BAIAP2L2: variants seen among roughly 807,000 people sequenced by gnomAD.
The protein encoded by BAIAP2L2 is BAR/IMD domain containing adaptor protein 2 like 2, also known as BAR/IMD domain-containing adapter protein 2-like 2.
In BAIAP2L2, 65 loss-of-function variants were observed where a neutral mutation model predicts 60.4. The observed-to-expected ratio is 1.08, with a 90% CI of 0.88 to 1.32. The LOEUF is 1.32. Among genes scored for constraint, BAIAP2L2 ranks in the 40% most tolerant of loss-of-function variants. BAIAP2L2 has a pLI of 0.00. For synonymous variants in BAIAP2L2, 344 were observed against 301.7 expected, an observed-to-expected ratio of 1.14 and a Z score of -1.45; for missense variants, 836 against 741.2, an observed-to-expected ratio of 1.13 and a Z score of -1.48.
chr22:38,101,189 T>G (rs1223681365), intron 4 of BAIAP2L2, among the ~76,000 whole-genome samples: 1 of 151,880 alleles, frequency 6.6e-6, no homozygotes, highest in Non-Finnish European at 1.5e-5. Flanking sequence ...TTCAAAACCT[T>G]CCTTCATCTT....
At position 38,110,049 on chromosome 22, in the gene BAIAP2L2, CAGAGAGAGAGAG is replaced by C. The variant is rs1231617585; in HGVS notation, c.51+414_51+425del. On this transcript the variant is annotated intron_variant, in intron 1 of 13. Coordinates refer to ENST00000381669, the MANE Select transcript of BAIAP2L2 (RefSeq NM_025045.6). The stretch of plus-strand genomic sequence containing the variant: ...TGAGAGAGACAGAGACAGGGAGAGA[CAGAGAGAGAGAG>C]AGAGACAGAGAGAGAGAGAGACAGA... Among the ~76,000 whole-genome samples, 8 of 4,216 alleles carry C rather than the reference CAGAGAGAGAGAG, an allele frequency of 1.9e-3. 1 individual carries two copies. The highest frequency in any genetic ancestry group is 8.9e-3 in the African/African-American group (6 of 672). The allele number at this position is 4,216 out of a possible 152,430, so 2.8% of individuals were successfully genotyped here. A position where few individuals can be genotyped will look rare whatever the true frequency, so the allele number is the denominator to read the frequency against.
At chr22:38,096,469 A>C (rs1236998852) in intron 7 of BAIAP2L2, among the ~76,000 whole-genome samples, 1 of 152,228 alleles carries the variant, frequency 6.6e-6, no homozygotes, top group Admixed American at 6.5e-5. Flanking sequence ...AGCCTGGCCA[A>C]CATGGCGAAA....
At position 38,087,215 on chromosome 22, in the gene BAIAP2L2, C is replaced by T. The variant is rs199751065; in HGVS notation, c.1168G>A (p.Val390Met). The T allele has an allele frequency of 5.2e-5, 83 of 1,604,232 alleles. No individual in the cohort carries two copies. In the Admixed American group the frequency reaches 1.3e-3, roughly 25 times the overall value. ...GGGGTCACGGGGGTCATGGGATTCA[C>T]GGGCCCCTCCTCCAGAGCCTTCACG... ...AYVKALEEGP[V>M]NPMTPVTPMT... The change falls in exon 11 of 14, where the codon GTG (valine) becomes ATG (methionine). Residue 390 changes from valine to methionine, a missense_variant. Coordinates refer to ENST00000381669, the MANE Select transcript of BAIAP2L2 (RefSeq NM_025045.6).
chr22:38,105,722 C>T (rs1473702416), intron 4 of BAIAP2L2, among the ~76,000 whole-genome samples: 2 of 152,136 alleles, frequency 1.3e-5, no homozygotes, highest in African/African-American at 2.4e-5. Flanking sequence ...CTACTTTTCT[C>T]CTAGTGTATT....
chr22:38,087,161 T>TGGGTGTCAC lies in BAIAP2L2; in HGVS notation c.1221_1222insGTGACACCC (p.Pro407_Met408insValThrPro), dbSNP rs1262419647. ...TCGTTCCCGGGGTTCATGGGTGTCA[T>TGGGTGTCAC]GGGGGACATGGAGGTCATGGAGGTC... On this transcript the variant is annotated inframe_insertion, in exon 11 of 14. Coordinates refer to ENST00000381669, the MANE Select transcript of BAIAP2L2 (RefSeq NM_025045.6). The TGGGTGTCAC allele has an allele frequency of 6.2e-7, 1 of 1,601,444 alleles. No individual in the cohort carries two copies. Among genetic ancestry groups the TGGGTGTCAC allele is most frequent in the Non-Finnish European group, 8.5e-7 (1 of 1,175,320 alleles).
intron 7 of BAIAP2L2, chr22:38,090,904 C>A (rs1424464487): frequency 6.6e-6 from 1 of 152,242 alleles, no homozygotes; most frequent in East Asian, 1.9e-4. Context: ...CCTCCCATCA[C>A]TGGAGCAACT....
At chr22:38,088,691 C>T (rs1279588199) in intron 10 of BAIAP2L2, 57 bp downstream of exon 10, 58 of 1,496,328 alleles carry the variant, frequency 3.9e-5, no homozygotes, top group East Asian at 9.8e-5. Context: ...CCCGGGTTCC[C>T]GGCCCCCAGG....
intron 10 of BAIAP2L2, 35 bp downstream of exon 10, chr22:38,088,713 A>G: frequency 4.6e-4 from 422 of 910,502 alleles, no homozygotes; most frequent in Non-Finnish European, 6.3e-4. Flanking sequence ...CCTTCTTCTC[A>G]ACCCACCCCC....
chr22:38,088,699 AG>A (rs1264439087), intron 10 of BAIAP2L2, 48 bp downstream of exon 10: 2 of 1,488,908 alleles, frequency 1.3e-6, no homozygotes, highest in Admixed American at 2.0e-5. Flanking sequence ...CCCGGCCCCC[AG>A]GGCCTTCTTC....
chr22:38,107,983 G>A lies in BAIAP2L2; in HGVS notation c.215-70C>T, dbSNP rs367856919. The stretch of plus-strand genomic sequence containing the variant: ...CCCCGCCCACCCACCACCCTCTTCC[G>A]CTGAAAGCCAACAGAGGGCCTGCCC... On this transcript the variant is annotated intron_variant, in intron 3 of 13. Transcript: ENST00000381669. 55 of 1,325,878 alleles carry A rather than the reference G, an allele frequency of 4.1e-5. 1 individual carries two copies. In the African/African-American group the frequency reaches 5.3e-4, roughly 13 times the overall value. The allele number at this position is 1,325,878 out of a possible 1,614,324, so 82.1% of individuals were successfully genotyped here.
intron 4 of BAIAP2L2, among the ~76,000 whole-genome samples, chr22:38,104,485 G>A (rs562004330): frequency 9.2e-5 from 14 of 151,724 alleles, no homozygotes; most frequent in Non-Finnish European, 1.6e-4. Flanking sequence ...GGTTCGAAGA[G>A]ACTCAAATTT....
Position 38,089,111 on chromosome 22 carries a change from G to A in BAIAP2L2, c.886C>T (p.Arg296Cys), listed in dbSNP as rs1184611625. 32 of 1,371,968 alleles carry A rather than the reference G, an allele frequency of 2.3e-5. No homozygotes were observed. Among genetic ancestry groups the A allele is most frequent in the East Asian group, 3.0e-5 (1 of 33,342 alleles). 85.0% of individuals were successfully genotyped at this position (1,371,968 alleles called of 1,614,324 possible). A position where few individuals can be genotyped will look rare whatever the true frequency, so the allele number is the denominator to read the frequency against. ...QLEPDRRSLPRTPSASSLYSG... is the reference protein window; with the variant it reads ...QLEPDRRSLPCTPSASSLYSG... The stretch of plus-strand genomic sequence containing the variant: ...GGGCACTCACAGGCCGACGGCGTGC[G>A]GGGCAGGGAGCGACGGTCTGGCTCT... Residue 296 changes from arginine (R) to cysteine (C), a missense_variant, in exon 9 of 14, where the codon CGC (arginine) becomes TGC (cysteine). Arg to Cys is a radical substitution (Grantham distance 180). Transcript: ENST00000381669.
At chr22:38,097,242 A>C in intron 6 of BAIAP2L2, 64 bp from the exon 7 acceptor site, 6 of 1,576,336 alleles carry the variant, frequency 3.8e-6, no homozygotes, top group Admixed American at 1.7e-5. Context: ...CCCCTCGCCC[A>C]CAGGCGCCAG....
intron 4 of BAIAP2L2, among the ~76,000 whole-genome samples, chr22:38,098,738 T>A (rs150866649): frequency 6.6e-6 from 1 of 152,312 alleles, no homozygotes; most frequent in African/African-American, 2.4e-5. Flanking sequence ...TTCTGGTTCT[T>A]ATTTTTTGTC....
Position 38,089,626 on chromosome 22 carries a change from CAG to C in BAIAP2L2, c.659_660del (p.Ser220Ter), listed in dbSNP as rs1483148107. On this transcript the variant is annotated frameshift_variant, in exon 8 of 14. Transcript: ENST00000381669. LOFTEE classifies it high-confidence loss of function. ...GCGCGCGACGGGCTGCGGCTGGCCT[CAG>C]ACTGCTCCTTCCACAGCAGCACGCG... The part of the protein sequence containing the change: ...QNRVLLWKEQ[S>X]EASRSPSRAH... 3 of 1,232,902 alleles carry C rather than the reference CAG, an allele frequency of 2.4e-6. No individual in the cohort carries two copies. The highest frequency in any genetic ancestry group is 3.0e-6 in the Non-Finnish European group (3 of 989,028). 76.4% of individuals were successfully genotyped at this position (1,232,902 alleles called of 1,614,324 possible).
chr22:38,109,254 G>A, intron 1 of BAIAP2L2, 46 bp from the exon 2 acceptor site: 1 of 1,491,108 alleles, frequency 6.7e-7, no homozygotes, highest in Non-Finnish European at 9.3e-7. Flanking sequence ...AGATGGGGGA[G>A]CGAGAAGGAA....
Position 38,089,093 on chromosome 22 carries a change from C to G in BAIAP2L2, c.901+3G>C. ...CCTGCCGCCCCGGGGCGGGGGCACT[C>G]ACAGGCCGACGGCGTGCGGGGCAGG... On this transcript the variant is annotated splice_donor_region_variant and intron_variant, in intron 9 of 13. Coordinates refer to ENST00000381669, the MANE Select transcript of BAIAP2L2 (RefSeq NM_025045.6). 7.3e-7 allele frequency: 1 copy of G among 1,378,974 alleles called. No homozygotes were observed. Among genetic ancestry groups the G allele is most frequent in the Non-Finnish European group, 9.3e-7 (1 of 1,072,646 alleles). The allele number at this position is 1,378,974 out of a possible 1,614,324, so 85.4% of individuals were successfully genotyped here. A position where few individuals can be genotyped will look rare whatever the true frequency, so the allele number is the denominator to read the frequency against.
At position 38,085,216 on chromosome 22, in the gene BAIAP2L2, C is replaced by T; in HGVS notation, c.*84G>A. 1 of 1,444,366 alleles carries T rather than the reference C, an allele frequency of 6.9e-7. No individual in the cohort carries two copies. Among genetic ancestry groups the T allele is most frequent in the South Asian group, 1.2e-5 (1 of 83,368 alleles). The allele number at this position is 1,444,366 out of a possible 1,614,324, so 89.5% of individuals were successfully genotyped here. On this transcript the variant is annotated 3_prime_UTR_variant, in exon 14 of 14. Coordinates refer to ENST00000381669, the MANE Select transcript of BAIAP2L2 (RefSeq NM_025045.6). The stretch of plus-strand genomic sequence containing the variant: ...CTCAGGGACCCGCTTCTTGGATCTG[C>T]TGCTGTTGCTGCTGTCGCTGCCATT...
rs372765099 is a variant in BAIAP2L2, at chr22:38,096,983, G to C, written c.612+49C>G. Reference sequence around the variant, plus strand: ...ACCTCTATGTACGGCCACTCAGGAGGGGGCAGCTCCTAGAAGCGCCCCGCT... The same window carrying C: ...ACCTCTATGTACGGCCACTCAGGAGCGGGCAGCTCCTAGAAGCGCCCCGCT... On this transcript the variant is annotated intron_variant, in intron 7 of 13. Transcript: ENST00000381669. 6.3e-5 allele frequency: 99 copies of C among 1,570,648 alleles called. 1 individual carries two copies. Among genetic ancestry groups the C allele is most frequent in the East Asian group, 5.6e-4 (24 of 43,042 alleles).
Sources: allele counts gnomAD v4.1 joint callset (sites outside exome capture counted in the v4.1 genomes callset), GRCh38; gene constraint gnomAD v4.1.1; transcripts MANE v1.5; gene names NCBI Gene and HGNC (gene_info 2026-07-23, HGNC 2026-07-21).